The following ABR variants were observed in gnomAD, a reference collection of about 807,000 sequenced individuals.
The protein encoded by ABR is active breakpoint cluster region-related protein.
ABR carries 35 observed loss-of-function variants against 107.2 expected under a neutral mutation model. That is an observed-to-expected ratio of 0.33 (90% CI 0.25 to 0.43). The LOEUF (loss-of-function observed/expected upper bound fraction) is 0.43, where lower values mean the gene tolerates loss of function less well. Among genes scored for constraint, ABR ranks in the 20% least tolerant of loss-of-function variants. ABR has a pLI of 1.00. For missense variants in ABR, 815 were observed against 1,115.2 expected (o/e 0.73, Z 3.83); for synonymous variants, 498 against 462.0 (o/e 1.08, Z -1.00).
intron 16 of ABR, 26 bp from the exon 17 acceptor site, chr17:1,013,190 G>A (rs751035631): frequency 6.2e-7 from 1 of 1,612,216 alleles, no homozygotes; most frequent in South Asian, 1.1e-5. Context: ...GTGGGTGAGA[G>A]AGGTGCCAGC....
intron 1 of ABR, among the ~76,000 whole-genome samples, chr17:1,131,079 C>A (rs1172215967): frequency 1.3e-5 from 2 of 151,538 alleles, no homozygotes; most frequent in African/African-American, 4.9e-5. Context: ...CTGCCACGCA[C>A]ACAGCTCGCC....
At chr17:1,014,996 T>A (rs9908135) in intron 16 of ABR, among the ~76,000 whole-genome samples, 12 of 152,068 alleles carry the variant, frequency 7.9e-5, no homozygotes, top group Admixed American at 7.9e-4. Flanking sequence ...AGTCCTTTAT[T>A]CACCATTACA....
Position 1,125,288 on chromosome 17 carries a change from C to G in ABR, c.141G>C (p.Met47Ile). 2 of 1,613,948 alleles carry G rather than the reference C, an allele frequency of 1.2e-6. No homozygotes were observed. The highest frequency in any genetic ancestry group is 1.7e-6 in the Non-Finnish European group (2 of 1,179,936). ...TGGTGGGCGACTCATCGATGTACGG[C>G]ATGGTCTCTGAGCCCTCCGGGGGCC... ...QKGPPEGSET[M>I]PYIDESPTMS... The change falls in exon 2 of 23, where the codon ATG becomes ATC. Residue 47 changes from methionine (M) to isoleucine (I), a missense_variant. Coordinates refer to ENST00000302538, the MANE Select transcript of ABR (RefSeq NM_021962.5).
chr17:1,124,906 T>C (rs1164356023), intron 2 of ABR, among the ~76,000 whole-genome samples: 3 of 151,854 alleles, frequency 2.0e-5, no homozygotes, highest in African/African-American at 4.8e-5. Flanking sequence ...AGGGGAAAGC[T>C]GAAAGAGGCA....
intron 16 of ABR, among the ~76,000 whole-genome samples, chr17:1,028,552 G>A (rs565228085): frequency 4.6e-5 from 7 of 152,272 alleles, no homozygotes; most frequent in East Asian, 3.9e-4. Context: ...TCTCCACCCC[G>A]CCCTTCCTCA....
At chr17:1,025,439 G>T (rs1198953179) in intron 16 of ABR, among the ~76,000 whole-genome samples, 1 of 152,126 alleles carries the variant, frequency 6.6e-6, no homozygotes, top group Non-Finnish European at 1.5e-5. Context: ...AAAACATATC[G>T]TCACAGAACT....
At chr17:1,030,635 A>G (rs938667243) in intron 16 of ABR, among the ~76,000 whole-genome samples, 2 of 152,134 alleles carry the variant, frequency 1.3e-5, no homozygotes, top group African/African-American at 4.8e-5. Flanking sequence ...AAACAAAACG[A>G]GGGGCCAGTG....
At chr17:1,112,252 G>A (rs935411239) in intron 2 of ABR, among the ~76,000 whole-genome samples, 2 of 152,214 alleles carry the variant, frequency 1.3e-5, no homozygotes, top group South Asian at 2.1e-4. Context: ...CTCTCGATCC[G>A]TCTGGGGTGA....
At position 1,220,020 on chromosome 17, in the gene ABR, G is replaced by A. The variant is rs548622687; in HGVS notation, c.838+8773C>T. 3.3e-5 allele frequency among the ~76,000 whole-genome samples: 5 copies of A among 152,158 alleles called. No homozygotes were observed. The East Asian group carries it at 7.8e-4, about 24-fold the overall frequency. On this transcript the variant is annotated intron_variant, in intron 1 of 22. Coordinates refer to the ABR transcript ENST00000574139. ...TAAAAATTTTAAAGTGGCCGGGCGC[G>A]GTGGCTCACGCCTGTAATCACAGCA... is the stretch of plus-strand genomic sequence containing the variant.
At chr17:1,076,123 C>T (rs1567709795) in intron 6 of ABR, among the ~76,000 whole-genome samples, 1 of 152,226 alleles carries the variant, frequency 6.6e-6, no homozygotes, top group South Asian at 2.1e-4. Flanking sequence ...AAGCTGGTCT[C>T]GAACTCCTGG....
At chr17:1,160,897 GC>G (rs2041262868) in intron 1 of ABR, among the ~76,000 whole-genome samples, 1 of 152,218 alleles carries the variant, frequency 6.6e-6, no homozygotes, top group Non-Finnish European at 1.5e-5. Context: ...AAGGTGGGAC[GC>G]CCGTGCGGTG....
chr17:1,110,382 G>A (rs1290032989), intron 2 of ABR, among the ~76,000 whole-genome samples: 1 of 151,958 alleles, frequency 6.6e-6, no homozygotes, highest in Non-Finnish European at 1.5e-5. Context: ...GAGGCCAGCC[G>A]GTGAAGCGAG....
At chr17:1,194,942 G>A (rs1019445889) in intron 1 of ABR, among the ~76,000 whole-genome samples, 9 of 143,488 alleles carry the variant, frequency 6.3e-5, no homozygotes, top group African/African-American at 1.3e-4. Flanking sequence ...GTGAGCCACC[G>A]CGCCCGACCC....
At chr17:1,067,301 C>T in intron 9 of ABR, 59 bp from the exon 10 acceptor site, 1 of 1,479,784 alleles carries the variant, frequency 6.8e-7, no homozygotes, top group Admixed American at 2.5e-5. Context: ...CCAGCCTCAA[C>T]TCTTGGGTCC....
intron 2 of ABR, among the ~76,000 whole-genome samples, chr17:1,117,517 G>GAGTCCTCCCCAGCGTTATCCCTGAACCC (rs2039071898): frequency 3.3e-4 from 1 of 3,020 alleles, no homozygotes; most frequent in Non-Finnish European, 7.7e-4. Context: ...TCCCTGAGCC[G>GAGTCCTCCCCAGCGTTATCCCTGAACCC]GAGTTCCTCC....
chr17:1,206,958 G>A (rs1036036778), intron 1 of ABR, among the ~76,000 whole-genome samples: 4 of 152,098 alleles, frequency 2.6e-5, no homozygotes, highest in African/African-American at 9.7e-5. Context: ...GGTGGCATGC[G>A]CCTGTAATCC....
chr17:1,012,375 C>A (rs747843793), intron 18 of ABR: 1 of 657,062 alleles, frequency 1.5e-6, no homozygotes, highest in East Asian at 3.0e-5. Context: ...CCCGAGGGGC[C>A]GCCAGTCCCC....
intron 22 of ABR, among the ~76,000 whole-genome samples, chr17:1,006,796 C>A (rs562997771): frequency 3.8e-5 from 5 of 133,324 alleles, no homozygotes; most frequent in African/African-American, 1.4e-4. Flanking sequence ...CGTCATGGGA[C>A]CGTCACCCTC....
chr17:1,115,045 G>T (rs932277149), intron 2 of ABR, among the ~76,000 whole-genome samples: 3 of 152,218 alleles, frequency 2.0e-5, no homozygotes, highest in Non-Finnish European at 4.4e-5. Context: ...TAGGCAGGGG[G>T]TCCAGGGGTC....
Sources: gnomAD v4.1 joint callset for allele counts (sites outside exome capture counted in the v4.1 genomes callset) on GRCh38, gnomAD v4.1.1 for gene constraint, MANE v1.5 for transcripts, NCBI Gene and HGNC (gene_info 2026-07-23, HGNC 2026-07-21) for gene names.